The following SHLD1 variants were observed in gnomAD, a reference collection of about 807,000 sequenced individuals.
SHLD1 encodes the protein RINN1-REV7-interacting novel NHEJ regulator 3.
SHLD1 carries 3 observed loss-of-function variants against 5.5 expected under a neutral mutation model. The observed-to-expected ratio is 0.54, with a 90% CI of 0.25 to 1.40. SHLD1 has a LOEUF of 1.40. Among genes scored for constraint, SHLD1 ranks in the 40% most tolerant of loss-of-function variants. SHLD1 has a pLI of 0.15. For synonymous variants in SHLD1, 92 were observed against 94.3 expected (o/e 0.98, Z 0.14); for missense variants, 210 against 244.4 (o/e 0.86, Z 0.94).
At chr20:5,859,312 G>C (rs937575993) in intron 2 of SHLD1, among the ~76,000 whole-genome samples, 1 of 152,140 alleles carries the variant, frequency 6.6e-6, no homozygotes, top group Non-Finnish European at 1.5e-5. Context: ...ATTGGTATTT[G>C]GGAGATGGAC....
At position 5,829,115 on chromosome 20, in the gene SHLD1, A is replaced by T. The variant is rs562691513; in HGVS notation, c.179-33909A>T. Reference sequence around the variant, plus strand: ...TGGTCTCAACTCCTGGGCTCAATCTATCTGCCCGCCTTGGCCTCCCAAAGT... The same window carrying T: ...TGGTCTCAACTCCTGGGCTCAATCTTTCTGCCCGCCTTGGCCTCCCAAAGT... On this transcript the variant is annotated intron_variant, in intron 2 of 2. Transcript: ENST00000303142. 1.4e-4 allele frequency among the ~76,000 whole-genome samples: 22 copies of T among 152,136 alleles called. No individual in the cohort carries two copies. The South Asian group carries it at 2.9e-3, about 20-fold the overall frequency.
chr20:5,755,414 A>G (rs981360778), intron 1 of SHLD1, among the ~76,000 whole-genome samples: 4 of 152,336 alleles, frequency 2.6e-5, no homozygotes, highest in Admixed American at 2.6e-4. Context: ...TGAGAATTTA[A>G]TGCCTGATGA....
In SHLD1 at chr20:5,843,887, T is replaced by C. The variant is rs2087896154; in HGVS notation, c.179-19137T>C. The stretch of plus-strand genomic sequence containing the variant: ...CTCACTTCTAGCCCTTAATAACTCA[T>C]GTTAGAAAATTTCCCAACACAAATG... On this transcript the variant is annotated intron_variant, in intron 2 of 2. Transcript: ENST00000303142. Among the ~76,000 whole-genome samples the C allele has an allele frequency of 3.3e-5, 5 of 152,362 alleles. No individual in the cohort carries two copies. In the South Asian group the frequency reaches 1.0e-3, roughly 32 times the overall value.
At chr20:5,801,670 G>A (rs908954568) in intron 2 of SHLD1, among the ~76,000 whole-genome samples, 4 of 152,296 alleles carry the variant, frequency 2.6e-5, no homozygotes, top group Middle Eastern at 3.4e-3. Context: ...ACAGGGCAGG[G>A]CTCCTCTGGA....
At chr20:5,817,432 C>CTCTCTCTCTCTCTGTG (rs1473391202) in intron 2 of SHLD1, among the ~76,000 whole-genome samples, 53 of 85,662 alleles carry the variant, frequency 6.2e-4, no homozygotes, top group African/African-American at 2.6e-3. Context: ...CTCTCTCTCT[C>CTCTCTCTCTCTCTGTG]TGTGTGTGTG....
intron 1 of SHLD1, among the ~76,000 whole-genome samples, chr20:5,761,819 G>A (rs1465434110): frequency 6.6e-6 from 1 of 151,674 alleles, no homozygotes; most frequent in Non-Finnish European, 1.5e-5. Flanking sequence ...TGTTGGCCAG[G>A]CTGCTCTCGA....
At chr20:5,788,560 G>A (rs1568502961) in intron 2 of SHLD1, among the ~76,000 whole-genome samples, 3 of 152,168 alleles carry the variant, frequency 2.0e-5, no homozygotes, top group African/African-American at 2.4e-5. Context: ...GTGGCTACTT[G>A]TTACACTTTC....
intron 2 of SHLD1, among the ~76,000 whole-genome samples, chr20:5,841,261 A>G (rs2087856450): frequency 6.6e-6 from 1 of 152,098 alleles, no homozygotes; most frequent in Non-Finnish European, 1.5e-5. Flanking sequence ...ACATATAGTA[A>G]AGTACATAAA....
intron 2 of SHLD1, among the ~76,000 whole-genome samples, chr20:5,832,797 T>TAATAAATA (rs56210743): frequency 4.4e-4 from 63 of 143,852 alleles, no homozygotes; most frequent in South Asian, 9.0e-4. Flanking sequence ...GAAATCAAAA[T>TAATAAATA]AATAAATAAA....
chr20:5,787,881 C>A (rs2087081202), intron 2 of SHLD1, among the ~76,000 whole-genome samples: 1 of 151,938 alleles, frequency 6.6e-6, no homozygotes, highest in African/African-American at 2.4e-5. Context: ...TTACATAAGC[C>A]CTGCAGATTT....
intron 2 of SHLD1, among the ~76,000 whole-genome samples, chr20:5,845,682 A>C (rs555625445): frequency 1.3e-5 from 2 of 152,314 alleles, no homozygotes; most frequent in East Asian, 3.9e-4. Context: ...ACCCCAGGCC[A>C]TGTTATCCTG....
At chr20:5,788,988 T>C (rs906851558) in intron 2 of SHLD1, among the ~76,000 whole-genome samples, 6 of 151,738 alleles carry the variant, frequency 4.0e-5, no homozygotes, top group African/African-American at 1.2e-4. Flanking sequence ...CAAAAAATTA[T>C]CTGGGCATAG....
intron 2 of SHLD1, among the ~76,000 whole-genome samples, chr20:5,857,222 C>T (rs981348380): frequency 2.6e-5 from 4 of 152,136 alleles, no homozygotes; most frequent in Admixed American, 1.3e-4. Flanking sequence ...GTGATCCACC[C>T]GCCTTGGCCT....
intron 2 of SHLD1, among the ~76,000 whole-genome samples, chr20:5,795,774 G>T (rs1319371635): frequency 6.6e-6 from 1 of 151,858 alleles, no homozygotes; most frequent in Non-Finnish European, 1.5e-5. Context: ...GAGGTCAGGA[G>T]ATCGAGACCA....
intron 1 of SHLD1, among the ~76,000 whole-genome samples, chr20:5,754,526 CTG>C (rs753687774): frequency 3.9e-5 from 6 of 152,142 alleles, no homozygotes; most frequent in African/African-American, 7.2e-5. Flanking sequence ...AAGCCAAACT[CTG>C]TAAAATATTT....
intron 2 of SHLD1, among the ~76,000 whole-genome samples, chr20:5,807,263 CA>C (rs1417870006): frequency 6.6e-6 from 1 of 152,202 alleles, no homozygotes; most frequent in Non-Finnish European, 1.5e-5. Context: ...TCCCAGTTTT[CA>C]AAGCAGTTTC....
chr20:5,810,126 G>A (rs1004969474), intron 2 of SHLD1, among the ~76,000 whole-genome samples: 8 of 151,966 alleles, frequency 5.3e-5, no homozygotes, highest in African/African-American at 1.7e-4. Context: ...GCGTGATGCT[G>A]CGCGCCTGTA....
Position 5,813,254 on chromosome 20 carries a change from G to A in SHLD1, c.178+40211G>A, listed in dbSNP as rs561011391. Among the ~76,000 whole-genome samples the A allele has an allele frequency of 1.1e-4, 16 of 152,164 alleles. No homozygotes were observed. In the South Asian group the frequency reaches 2.7e-3, roughly 26 times the overall value. On this transcript the variant is annotated intron_variant, in intron 2 of 2. Transcript: ENST00000303142. Reference sequence around the variant, plus strand: ...TGTAATCCCAGCATTTTGGGAGGCCGAGGCAGGCGGATCACCTGAGCTAAG... The same window carrying A: ...TGTAATCCCAGCATTTTGGGAGGCCAAGGCAGGCGGATCACCTGAGCTAAG...
chr20:5,790,521 C>T lies in SHLD1; in HGVS notation c.178+17478C>T, dbSNP rs137974980. On this transcript the variant is annotated intron_variant, in intron 2 of 2. Coordinates refer to ENST00000303142, the MANE Select transcript of SHLD1 (RefSeq NM_152504.4). Reference sequence around the variant, plus strand: ...AGGCTGGAGTGCAATGGTGCGATCTCGGCTCACTGCAAACTCCGCCCCCTG... The same window carrying T: ...AGGCTGGAGTGCAATGGTGCGATCTTGGCTCACTGCAAACTCCGCCCCCTG... Among the ~76,000 whole-genome samples the T allele has an allele frequency of 8.1e-3, 1,187 of 145,806 alleles. 16 individuals are homozygous for T. Among genetic ancestry groups the T allele is most frequent in the African/African-American group, 0.027 (1,075 of 39,224 alleles).
Sources: allele counts gnomAD v4.1 joint callset (sites outside exome capture counted in the v4.1 genomes callset), GRCh38; gene constraint gnomAD v4.1.1; transcripts MANE v1.5; gene names NCBI Gene and HGNC (gene_info 2026-07-23, HGNC 2026-07-21).